OGDHL: variants seen among roughly 807,000 people sequenced by gnomAD.
OGDHL encodes the protein oxoglutarate dehydrogenase L.
In OGDHL, 79 loss-of-function variants were observed where a neutral mutation model predicts 109.6. The ratio of observed to expected loss-of-function variants is 0.72; its 90% CI spans 0.60 to 0.87. The LOEUF (loss-of-function observed/expected upper bound fraction) is 0.87, where lower values mean the gene tolerates loss of function less well. Ranked by LOEUF, OGDHL falls within the 40% of genes least tolerant of loss-of-function variation. The probability of loss-of-function intolerance (pLI) is 0.00; values close to 1 mark genes in which losing one functional copy is unlikely to be tolerated. For synonymous variants in OGDHL, 528 were observed against 537.2 expected, an observed-to-expected ratio of 0.98 and a Z score of 0.24; for missense variants, 1,275 against 1,362.2, an observed-to-expected ratio of 0.94 and a Z score of 1.01.
intron 13 of OGDHL, 143 bp from the exon 14 acceptor site, chr10:49,744,265 C>T: frequency 1.9e-6 from 2 of 1,062,716 alleles, no homozygotes; most frequent in African/African-American, 1.6e-5. Flanking sequence ...ACCCTTGGGA[C>T]CTGGGACAGC....
chr10:49,747,018 G>A lies in OGDHL; in HGVS notation c.1167+11C>T, dbSNP rs1423107053. On this transcript the variant is annotated intron_variant, in intron 9 of 22. Transcript: ENST00000374103. Reference sequence around the variant, plus strand: ...GGCCCAGGTCCTCTGGGTTCCCCCAGGTGAGCTCACCTTCTTGCCCTGGGC... The same window carrying A: ...GGCCCAGGTCCTCTGGGTTCCCCCAAGTGAGCTCACCTTCTTGCCCTGGGC... 6.2e-7 allele frequency: 1 copy of A among 1,613,310 alleles called. No homozygotes were observed. Among genetic ancestry groups the A allele is most frequent in the Non-Finnish European group, 8.5e-7 (1 of 1,179,418 alleles).
intron 8 of OGDHL, 44 bp from the exon 9 acceptor site, chr10:49,747,252 TCAGACAGGCAGATACA>T (rs765383796): frequency 1.6e-4 from 248 of 1,595,736 alleles, no homozygotes; most frequent in Admixed American, 5.5e-4. Flanking sequence ...CCCTCCCACA[TCAGACAGGCAGATACA>T]CAGGCAGGCA....
intron 20 of OGDHL, 116 bp downstream of exon 20, chr10:49,737,668 CTG>C: frequency 9.1e-7 from 1 of 1,098,132 alleles, no homozygotes; most frequent in South Asian, 1.3e-5. Context: ...CCAGGAGCTG[CTG>C]CAGGTCAGCA....
intron 15 of OGDHL, among the ~76,000 whole-genome samples, chr10:49,741,304 G>A (rs181459136): frequency 3.0e-3 from 455 of 152,224 alleles, no homozygotes; most frequent in Middle Eastern, 6.8e-3. Flanking sequence ...AGTAGCCGAG[G>A]TGGGCACAGT....
chr10:49,761,101 C>T (rs2132283093), intron 1 of OGDHL, among the ~76,000 whole-genome samples: 1 of 152,282 alleles, frequency 6.6e-6, no homozygotes, highest in East Asian at 1.9e-4. Context: ...GTATCTAGAG[C>T]CAGAGCCCAA....
chr10:49,751,768 C>A, intron 6 of OGDHL, 59 bp downstream of exon 6: 2 of 1,578,652 alleles, frequency 1.3e-6, no homozygotes, highest in South Asian at 1.2e-5. Context: ...GGGTGTGGGA[C>A]GTCTCATAGA....
At position 49,756,876 on chromosome 10, in the gene OGDHL, G is replaced by C. The variant is rs1842948996; in HGVS notation, c.275C>G (p.Ser92Cys). The C allele has an allele frequency of 6.2e-7, 1 of 1,614,008 alleles. No homozygotes were observed. The highest frequency in any genetic ancestry group is 1.7e-5 in the Admixed American group (1 of 60,006). The change falls in exon 3 of 23, where the codon TCT becomes TGT. Residue 92 changes from serine to cysteine, a missense_variant. Physicochemically the swap from Ser to Cys is moderately radical, Grantham distance 112. Coordinates refer to ENST00000374103, the MANE Select transcript of OGDHL (RefSeq NM_018245.3). ...TGCAGACCTGCTCTCATGGACAACAGAAGGGGGCCGTGGCTGAGCAGAGCC... is the reference window on the plus strand; with the variant it reads ...TGCAGACCTGCTCTCATGGACAACACAAGGGGGCCGTGGCTGAGCAGAGCC... ...FSGSAQPRPP[S>C]VVHESRSAVS...
chr10:49,749,619 A>C, intron 8 of OGDHL, 107 bp downstream of exon 8: 1 of 949,996 alleles, frequency 1.1e-6, no homozygotes, highest in Non-Finnish European at 1.6e-6. Context: ...CAATGCATCC[A>C]TCTTAAGGTT....
rs1226729118 is a variant in OGDHL, at chr10:49,744,662, A to G, written c.1720T>C (p.Ser574Pro). ...KILHIKHWLD[S>P]PWPGFFNVDG... ...ACTGCTCGCTCACCAGGCCAGGGGG[A>G]GTCCAACCAGTGCTTTATATGCAGA... The change falls in exon 13 of 23, where the codon TCC becomes CCC. Residue 574 changes from serine to proline, a missense_variant. Transcript: ENST00000374103. 27 of 1,613,674 alleles carry G rather than the reference A, an allele frequency of 1.7e-5. No homozygotes were observed. Among genetic ancestry groups the G allele is most frequent in the Non-Finnish European group, 2.3e-5 (27 of 1,179,600 alleles).
At position 49,753,888 on chromosome 10, in the gene OGDHL, TAAAAAAAAAAAAAA is replaced by T. The variant is rs63200161; in HGVS notation, c.376-1162_376-1149del. On this transcript the variant is annotated intron_variant, in intron 3 of 22. Transcript: ENST00000374103. ...CTGGGCTACAAGGAGAAACTCCATC[TAAAAAAAAAAAAAA>T]AAAAAAAAAAGAACTGTTATTCTAA... Among the ~76,000 whole-genome samples, 4 of 87,270 alleles carry T rather than the reference TAAAAAAAAAAAAAA, an allele frequency of 4.6e-5. No individual in the cohort carries two copies. The East Asian group carries it at 1.2e-3, about 26-fold the overall frequency. 57.3% of individuals were successfully genotyped at this position (87,270 alleles called of 152,430 possible). A position where few individuals can be genotyped will look rare whatever the true frequency, so the allele number is the denominator to read the frequency against.
At position 49,738,056 on chromosome 10, in the gene OGDHL, A is replaced by G; in HGVS notation, c.2408T>C (p.Phe803Ser). ...SDAYPAFTKD[F>S]EVSQLYDCNW... ...GCAGTCATAGAGCTGGCTCACCTCGAAGTCCTTGGTGAATGCCTGTGGGGA... is the reference window on the plus strand; with the variant it reads ...GCAGTCATAGAGCTGGCTCACCTCGGAGTCCTTGGTGAATGCCTGTGGGGA... Residue 803 changes from phenylalanine to serine, a missense_variant, in exon 19 of 23, where the codon TTC (phenylalanine) becomes TCC (serine). Physicochemically the swap from Phe to Ser is radical, Grantham distance 155. Coordinates refer to ENST00000374103, the MANE Select transcript of OGDHL (RefSeq NM_018245.3). 6.2e-7 allele frequency: 1 copy of G among 1,614,130 alleles called. No homozygotes were observed. Among genetic ancestry groups the G allele is most frequent in the Admixed American group, 1.7e-5 (1 of 60,022 alleles).
intron 8 of OGDHL, among the ~76,000 whole-genome samples, chr10:49,748,487 T>C (rs1025421715): frequency 4.6e-5 from 7 of 152,218 alleles, no homozygotes; most frequent in African/African-American, 1.4e-4. Context: ...ATAAGCTTTG[T>C]TCTGTTTTGT....
intron 16 of OGDHL, among the ~76,000 whole-genome samples, chr10:49,740,501 G>C (rs1841566503): frequency 6.6e-6 from 1 of 152,036 alleles, no homozygotes; most frequent in South Asian, 2.1e-4. Flanking sequence ...CCCCCAACTG[G>C]GATCCCCAAG....
At chr10:49,740,536 C>A (rs888700431) in intron 16 of OGDHL, among the ~76,000 whole-genome samples, 174 bp downstream of exon 16, 12 of 152,102 alleles carry the variant, frequency 7.9e-5, no homozygotes, top group South Asian at 2.1e-4. Context: ...CACGATTTCA[C>A]CTCCCACATG....
intron 2 of OGDHL, among the ~76,000 whole-genome samples, chr10:49,757,751 C>T (rs1432244951): frequency 3.3e-5 from 5 of 152,132 alleles, no homozygotes; most frequent in Non-Finnish European, 7.3e-5. Context: ...CAGCAGGGAG[C>T]AAAACAGTAT....
In OGDHL at chr10:49,744,630, G is replaced by C; in HGVS notation, c.1732+20C>G. ...TCAAGGCCCAGGGGAGTCCCTCTGAGCCACACACTGCTCGCTCACCAGGCC... is the reference window on the plus strand; with the variant it reads ...TCAAGGCCCAGGGGAGTCCCTCTGACCCACACACTGCTCGCTCACCAGGCC... On this transcript the variant is annotated intron_variant, in intron 13 of 22. Coordinates refer to ENST00000374103, the MANE Select transcript of OGDHL (RefSeq NM_018245.3). The C allele has an allele frequency of 6.2e-7, 1 of 1,601,418 alleles. No individual in the cohort carries two copies. The highest frequency in any genetic ancestry group is 8.6e-7 in the Non-Finnish European group (1 of 1,168,540).
chr10:49,736,301 G>A lies in OGDHL; in HGVS notation c.2754+56C>T, dbSNP rs569009016. The A allele has an allele frequency of 1.1e-5, 17 of 1,604,018 alleles. 1 individual carries two copies. The highest frequency in any genetic ancestry group is 3.3e-5 in the South Asian group (3 of 89,834). On this transcript the variant is annotated intron_variant, in intron 21 of 22. Transcript: ENST00000374103. ...CCTGCCTGGCACATTGGCCAGAGCC[G>A]GGGCCAGCGACGTGAGCTTGCCCAT... is the stretch of plus-strand genomic sequence containing the variant.
chr10:49,750,119 T>C (rs1422425227), intron 7 of OGDHL, among the ~76,000 whole-genome samples: 1 of 152,074 alleles, frequency 6.6e-6, no homozygotes, highest in East Asian at 1.9e-4. Context: ...CAGCCACGAA[T>C]GGGGACCCCT....
rs759869152 is a variant in OGDHL, at chr10:49,745,862, A to G, written c.1412T>C (p.Ile471Thr). ...HVNADDPEAV[I>T]YVCSVAAEWR... ...TTCGGCTGCCACACTGCACACATATATCACAGCCTCTGGGTCATCGGCATT... is the reference window on the plus strand; with the variant it reads ...TTCGGCTGCCACACTGCACACATATGTCACAGCCTCTGGGTCATCGGCATT... The change falls in exon 11 of 23, where the codon ATA becomes ACA. Residue 471 changes from isoleucine to threonine, a missense_variant. Physicochemically the swap from Ile to Thr is moderately conservative, Grantham distance 89. Coordinates refer to ENST00000374103, the MANE Select transcript of OGDHL (RefSeq NM_018245.3). 1 of 1,614,128 alleles carries G rather than the reference A, an allele frequency of 6.2e-7. No individual in the cohort carries two copies.
Sources: gnomAD v4.1 joint callset for allele counts (sites outside exome capture counted in the v4.1 genomes callset) on GRCh38, gnomAD v4.1.1 for gene constraint, MANE v1.5 for transcripts, NCBI Gene and HGNC (gene_info 2026-07-23, HGNC 2026-07-21) for gene names.